Variants in SNX18 observed in about 807,000 individuals in gnomAD.
SNX18 encodes sorting nexin 18, also known as sorting nexin-18.
In SNX18, 35 loss-of-function variants were observed where a neutral mutation model predicts 48.7. The ratio of observed to expected loss-of-function variants is 0.72; its 90% CI spans 0.55 to 0.95. SNX18 has a LOEUF of 0.95. Ranked by LOEUF, SNX18 falls within the 40% of genes least tolerant of loss-of-function variation. SNX18 has a pLI of 0.00. For missense variants in SNX18, 824 were observed against 871.0 expected (o/e 0.95, Z 0.68); for synonymous variants, 492 against 384.7 (o/e 1.28, Z -3.26).
the SNX18 span, among the ~76,000 whole-genome samples, chr5:54,640,907 A>G: frequency 6.6e-6 from 1 of 152,176 alleles, no homozygotes. Flanking sequence ...TAAAAATACA[A>G]AAATTAGCTG....
chr5:54,645,647 C>A, the SNX18 span: 1 of 152,348 alleles, frequency 6.6e-6, no homozygotes, highest in Middle Eastern at 3.4e-3. Flanking sequence ...TGTCTTCATC[C>A]TACACGATCT....
the SNX18 span, among the ~76,000 whole-genome samples, chr5:54,604,284 A>G: frequency 6.6e-6 from 1 of 152,232 alleles, no homozygotes; most frequent in Non-Finnish European, 1.5e-5. Context: ...AAAGAATTGA[A>G]AACAGGGATT....
the SNX18 span, among the ~76,000 whole-genome samples, chr5:54,613,484 C>T: frequency 6.6e-6 from 1 of 152,124 alleles, no homozygotes; most frequent in Non-Finnish European, 1.5e-5. Flanking sequence ...GGCTCTGCCT[C>T]TTCACCCTCA....
chr5:54,549,296 C>T (rs1488047316), downstream of SNX18, among the ~76,000 whole-genome samples: 1 of 152,164 alleles, frequency 6.6e-6, no homozygotes, highest in Admixed American at 6.5e-5. Context: ...GTCACCTGTA[C>T]TATGGAAAAT....
At chr5:54,576,676 G>A in the SNX18 span, among the ~76,000 whole-genome samples, 150 of 152,310 alleles carry the variant, frequency 9.8e-4, no homozygotes, top group African/African-American at 3.5e-3. Flanking sequence ...GAACTTCAAG[G>A]CATGGCTGAA....
At chr5:54,616,792 T>C in the SNX18 span, among the ~76,000 whole-genome samples, 2 of 151,910 alleles carry the variant, frequency 1.3e-5, no homozygotes, top group Non-Finnish European at 2.9e-5. Context: ...AAAATGTGCA[T>C]CTTAGAATAA....
At chr5:54,624,707 G>T in the SNX18 span, among the ~76,000 whole-genome samples, 1 of 152,134 alleles carries the variant, frequency 6.6e-6, no homozygotes, top group Non-Finnish European at 1.5e-5. Context: ...CTGTTCAATC[G>T]GGAAGGGAAA....
At chr5:54,615,319 G>T in the SNX18 span, among the ~76,000 whole-genome samples, 1 of 152,154 alleles carries the variant, frequency 6.6e-6, no homozygotes, top group Non-Finnish European at 1.5e-5. Context: ...TCTCTCACAT[G>T]CCTGTAGTCT....
the SNX18 span, among the ~76,000 whole-genome samples, chr5:54,578,063 G>A: frequency 6.6e-6 from 1 of 152,162 alleles, no homozygotes; most frequent in Non-Finnish European, 1.5e-5. Flanking sequence ...CTTCAAGGTG[G>A]GGGGCTTGTC....
intron 1 of SNX18, among the ~76,000 whole-genome samples, chr5:54,537,498 A>T (rs1030288793): frequency 6.6e-6 from 1 of 152,108 alleles, no homozygotes; most frequent in Non-Finnish European, 1.5e-5. Flanking sequence ...ATACCTGTTT[A>T]TTATTTTCTT....
At chr5:54,637,048 T>C in the SNX18 span, among the ~76,000 whole-genome samples, 12 of 152,204 alleles carry the variant, frequency 7.9e-5, no homozygotes, top group Non-Finnish European at 1.6e-4. Context: ...GACAACTTGG[T>C]CAAAGTTTGC....
rs566340005 is a variant in SNX18 at position 54,546,477 on chromosome 5, T to A, written c.*3045T>A. 1 of 152,362 alleles carries A rather than the reference T, an allele frequency of 6.6e-6. No homozygotes were observed. Among genetic ancestry groups the A allele is most frequent in the East Asian group, 1.9e-4 (1 of 5,188 alleles). 9.4% of individuals were successfully genotyped at this position (152,362 alleles called of 1,614,324 possible). A position where few individuals can be genotyped will look rare whatever the true frequency, so the allele number is the denominator to read the frequency against. On this transcript the variant is annotated 3_prime_UTR_variant, in exon 2 of 2. Transcript: ENST00000381410. ...ATAAGTAAAACAGGGTATTATTTAT[T>A]TGTAGTCTAGAAATGTTGAATATTG...
chr5:54,596,324 C>T, the SNX18 span, among the ~76,000 whole-genome samples: 4 of 151,944 alleles, frequency 2.6e-5, no homozygotes, highest in Admixed American at 2.0e-4. Flanking sequence ...TAGCTCTCCC[C>T]ACCATCTCTA....
At chr5:54,574,326 C>T in the SNX18 span, among the ~76,000 whole-genome samples, 2 of 152,158 alleles carry the variant, frequency 1.3e-5, no homozygotes, top group Non-Finnish European at 2.9e-5. Flanking sequence ...CAGAAGCTGC[C>T]CATTTCTTAA....
chr5:54,556,907 GCTGATAGGACA>G, the SNX18 span, among the ~76,000 whole-genome samples: 1 of 152,170 alleles, frequency 6.6e-6, no homozygotes, highest in Non-Finnish European at 1.5e-5. Flanking sequence ...ACATTAAGAA[GCTGATAGGACA>G]CTGAATTGTC....
intron 1 of SNX18, among the ~76,000 whole-genome samples, chr5:54,525,995 C>T (rs1183104172): frequency 1.3e-5 from 2 of 152,142 alleles, no homozygotes; most frequent in African/African-American, 2.4e-5. Flanking sequence ...TGATTAATAC[C>T]TGGCCTGCTG....
chr5:54,571,233 C>T, the SNX18 span, among the ~76,000 whole-genome samples: 2 of 152,092 alleles, frequency 1.3e-5, no homozygotes, highest in Non-Finnish European at 2.9e-5. Flanking sequence ...GGAGCCAGGG[C>T]ACCCCTCCCA....
chr5:54,570,296 A>G, the SNX18 span, among the ~76,000 whole-genome samples: 1 of 152,240 alleles, frequency 6.6e-6, no homozygotes, highest in Admixed American at 6.5e-5. Flanking sequence ...TAGAGCCTTC[A>G]GAGGAAGCGT....
the SNX18 span, among the ~76,000 whole-genome samples, chr5:54,592,069 A>C: frequency 6.6e-6 from 1 of 152,316 alleles, no homozygotes; most frequent in African/African-American, 2.4e-5. Context: ...ATGGTCTTTA[A>C]CAAATGTGAT....
Sources: allele counts gnomAD v4.1 joint callset (sites outside exome capture counted in the v4.1 genomes callset), GRCh38; gene constraint gnomAD v4.1.1; transcripts MANE v1.5; gene names NCBI Gene and HGNC (gene_info 2026-07-23, HGNC 2026-07-21).